The following TNKS variants were observed in gnomAD, a reference collection of about 807,000 sequenced individuals.
The protein encoded by TNKS is tankyrase, also known as poly [ADP-ribose] polymerase tankyrase-1.
A neutral mutation model predicts 135.8 loss-of-function variants in TNKS; 72 were observed. The observed-to-expected ratio is 0.53, with a 90% CI of 0.44 to 0.64. The LOEUF is 0.64. TNKS is among the 30% of genes least tolerant of loss of function. TNKS has a pLI of 0.00. For missense variants in TNKS, 1,769 were observed against 1,674.0 expected, an observed-to-expected ratio of 1.06 and a Z score of -0.99; for synonymous variants, 849 against 649.3, an observed-to-expected ratio of 1.31 and a Z score of -4.68.
chr8:9,702,616 TC>T (rs1396230841), intron 5 of TNKS, among the ~76,000 whole-genome samples: 1 of 152,228 alleles, frequency 6.6e-6, no homozygotes, highest in Non-Finnish European at 1.5e-5. Flanking sequence ...AAGTTGATAC[TC>T]CCTGACAGTA....
intron 26 of TNKS, among the ~76,000 whole-genome samples, chr8:9,773,359 C>T (rs1192713519): frequency 6.6e-6 from 1 of 152,120 alleles, no homozygotes; most frequent in Non-Finnish European, 1.5e-5. Flanking sequence ...GATTCACCCA[C>T]AGCATAAGAA....
Position 9,761,705 on chromosome 8 carries a change from T to C in TNKS, c.3274+69T>C, listed in dbSNP as rs117904123. 5.8e-4 allele frequency: 885 copies of C among 1,516,348 alleles called. 15 individuals are homozygous for C. The East Asian group carries it at 0.02, about 35-fold the overall frequency. 93.9% of individuals were successfully genotyped at this position (1,516,348 alleles called of 1,614,324 possible). The stretch of plus-strand genomic sequence containing the variant: ...ACAAGGTAAGTATTGGGGCTGATAA[T>C]TGAACTCAGGCAGTCCAGTCCCAGA... On this transcript the variant is annotated intron_variant, in intron 21 of 26. Transcript: ENST00000310430.
intron 26 of TNKS, 37 bp from the exon 27 acceptor site, chr8:9,776,613 T>C: frequency 6.3e-7 from 1 of 1,593,868 alleles, no homozygotes; most frequent in Non-Finnish European, 8.6e-7. Context: ...TTGTGCCTAC[T>C]AGAAGGGTGA....
chr8:9,659,258 C>T (rs1366558705), intron 3 of TNKS, among the ~76,000 whole-genome samples: 1 of 152,202 alleles, frequency 6.6e-6, no homozygotes, highest in African/African-American at 2.4e-5. Flanking sequence ...ACAGAACTCT[C>T]CACCCCAAAT....
In TNKS at chr8:9,710,065, G is replaced by C; in HGVS notation, c.1670+19G>C. The C allele has an allele frequency of 6.2e-7, 1 of 1,611,502 alleles. No homozygotes were observed. On this transcript the variant is annotated intron_variant, in intron 10 of 26. Coordinates refer to ENST00000310430, the MANE Select transcript of TNKS (RefSeq NM_003747.3). Reference sequence around the variant, plus strand: ...ATAAAGAGTAAGTATAATTGCAGAAGGAGTTGTTCAGTTCCTAAAGAGGAA... The same window carrying C: ...ATAAAGAGTAAGTATAATTGCAGAACGAGTTGTTCAGTTCCTAAAGAGGAA...
At position 9,780,248 on chromosome 8, in the gene TNKS, A is replaced by T. The variant is rs1386391093; in HGVS notation, c.*3512A>T. ...TCTGGATTCCTGTAAATGGCCTTGC[A>T]AACAGAAGTGGTGTGTATTTTCAAG... On this transcript the variant is annotated 3_prime_UTR_variant, in exon 27 of 27. Coordinates refer to ENST00000310430, the MANE Select transcript of TNKS (RefSeq NM_003747.3). 4 of 148,262 alleles carry T rather than the reference A, an allele frequency of 2.7e-5. No homozygotes were observed. Among genetic ancestry groups the T allele is most frequent in the Middle Eastern group, 3.4e-3 (1 of 294 alleles). 9.2% of individuals were successfully genotyped at this position (148,262 alleles called of 1,614,324 possible).
At chr8:9,761,706 T>A in intron 21 of TNKS, 70 bp downstream of exon 21, 2 of 1,509,068 alleles carry the variant, frequency 1.3e-6, no homozygotes, top group Admixed American at 4.5e-5. Context: ...GGCTGATAAT[T>A]GAACTCAGGC....
intron 15 of TNKS, among the ~76,000 whole-genome samples, 171 bp downstream of exon 15, chr8:9,733,615 TAGTGCCTA>T (rs1470062614): frequency 2.0e-5 from 3 of 152,230 alleles, no homozygotes. Context: ...TAGCTTTGCG[TAGTGCCTA>T]AAGTGAATAT....
intron 14 of TNKS, among the ~76,000 whole-genome samples, chr8:9,731,335 C>A (rs1805426740): frequency 6.6e-6 from 1 of 151,926 alleles, no homozygotes; most frequent in East Asian, 1.9e-4. Flanking sequence ...TGGCACATGC[C>A]TGTAATCCCA....
intron 2 of TNKS, among the ~76,000 whole-genome samples, chr8:9,610,642 T>A (rs1410805690): frequency 6.6e-6 from 1 of 152,142 alleles, no homozygotes; most frequent in Non-Finnish European, 1.5e-5. Context: ...TGTAATCCTA[T>A]TTTTGAAACT....
chr8:9,699,749 C>G (rs1803707515), intron 5 of TNKS, among the ~76,000 whole-genome samples: 2 of 152,208 alleles, frequency 1.3e-5, no homozygotes, highest in Admixed American at 6.5e-5. Flanking sequence ...CCCTTCTGTT[C>G]AGGCCTTCCT....
At chr8:9,705,713 T>C (rs1302963028) in intron 6 of TNKS, among the ~76,000 whole-genome samples, 2 of 152,224 alleles carry the variant, frequency 1.3e-5, no homozygotes, top group Non-Finnish European at 2.9e-5. Flanking sequence ...GGGTGTACAA[T>C]AGGTGAGTCA....
chr8:9,650,425 A>T (rs544345105), intron 3 of TNKS, among the ~76,000 whole-genome samples: 1 of 152,254 alleles, frequency 6.6e-6, no homozygotes, highest in South Asian at 2.1e-4. Context: ...ACTAGTTTGC[A>T]TTCCCACCAG....
intron 5 of TNKS, among the ~76,000 whole-genome samples, chr8:9,703,606 G>A (rs1803921312): frequency 6.6e-6 from 1 of 152,156 alleles, no homozygotes; most frequent in Admixed American, 6.5e-5. Context: ...CTTAGAGACT[G>A]ACAGAATATG....
chr8:9,733,888 C>T (rs4841207), intron 15 of TNKS, among the ~76,000 whole-genome samples: 103,232 of 151,952 alleles, frequency 0.68, 35,283 homozygotes, highest in Middle Eastern at 0.77. Flanking sequence ...TTTATTAAAA[C>T]ATAAGATGAT....
intron 1 of TNKS, among the ~76,000 whole-genome samples, chr8:9,576,366 G>A (rs1340392203): frequency 6.6e-6 from 1 of 152,144 alleles, no homozygotes. Context: ...GGTGGGAGGA[G>A]GCCTCAGGAT....
chr8:9,651,838 C>G (rs1205431186), intron 3 of TNKS, among the ~76,000 whole-genome samples: 1 of 152,156 alleles, frequency 6.6e-6, no homozygotes. Flanking sequence ...TAACATACTG[C>G]TGATCCTAGG....
chr8:9,568,452 TTCTG>T (rs1797633040), intron 1 of TNKS, among the ~76,000 whole-genome samples: 3 of 152,178 alleles, frequency 2.0e-5, no homozygotes, highest in Admixed American at 1.3e-4. Flanking sequence ...TTTATGTGGG[TTCTG>T]TCTATGGAGA....
At chr8:9,755,361 A>G (rs1191767161) in intron 20 of TNKS, among the ~76,000 whole-genome samples, 1 of 152,174 alleles carries the variant, frequency 6.6e-6, no homozygotes, top group Non-Finnish European at 1.5e-5. Context: ...TCTTTTAGCC[A>G]GAATAATTTC....
Sources: gnomAD v4.1 joint callset for allele counts (sites outside exome capture counted in the v4.1 genomes callset) on GRCh38, gnomAD v4.1.1 for gene constraint, MANE v1.5 for transcripts, NCBI Gene and HGNC (gene_info 2026-07-23, HGNC 2026-07-21) for gene names.